Variants in DPP10 observed in about 807,000 individuals in gnomAD.
DPP10 encodes dipeptidyl peptidase like 10.
DPP10 carries 33 observed loss-of-function variants against 120.9 expected under a neutral mutation model. The ratio of observed to expected loss-of-function variants is 0.27; its 90% CI spans 0.21 to 0.37. The LOEUF is 0.37. Ranked by LOEUF, DPP10 falls within the 10% of genes least tolerant of loss-of-function variation. DPP10 has a pLI of 1.00. For synonymous variants in DPP10, 337 were observed against 326.1 expected, an observed-to-expected ratio of 1.03 and a Z score of -0.36; for missense variants, 816 against 942.8, an observed-to-expected ratio of 0.87 and a Z score of 1.76.
At chr2:114,605,728 A>T (rs1422856096) in intron 1 of DPP10, among the ~76,000 whole-genome samples, 5 of 152,078 alleles carry the variant, frequency 3.3e-5, no homozygotes, top group Non-Finnish European at 7.4e-5. Flanking sequence ...ATCAAATCAA[A>T]AGTTCATGAG....
At chr2:115,553,747 T>C (rs927171531) in intron 5 of DPP10, among the ~76,000 whole-genome samples, 1 of 151,886 alleles carries the variant, frequency 6.6e-6, no homozygotes, top group African/African-American at 2.4e-5. Flanking sequence ...ACCACAACCA[T>C]GATTTGGATT....
chr2:114,609,687 A>G (rs1427166080), intron 1 of DPP10, among the ~76,000 whole-genome samples: 1 of 152,192 alleles, frequency 6.6e-6, no homozygotes, highest in Non-Finnish European at 1.5e-5. Context: ...GAGATTCCAA[A>G]CTATCGCATC....
intron 1 of DPP10, among the ~76,000 whole-genome samples, chr2:115,124,507 A>T (rs903517181): frequency 5.3e-5 from 8 of 152,130 alleles, no homozygotes; most frequent in Admixed American, 5.2e-4. Context: ...TTGGACTAGA[A>T]TCCCAGTTAT....
chr2:114,574,516 G>C (rs564003272), intron 1 of DPP10, among the ~76,000 whole-genome samples: 5 of 152,174 alleles, frequency 3.3e-5, no homozygotes, highest in African/African-American at 9.7e-5. Flanking sequence ...GAAGAGGAAA[G>C]GTAGCTGGTT....
chr2:114,548,799 A>G (rs1218567591), intron 1 of DPP10, among the ~76,000 whole-genome samples: 1 of 152,196 alleles, frequency 6.6e-6, no homozygotes, highest in Non-Finnish European at 1.5e-5. Context: ...CTATGGCACC[A>G]GTTGCTTGTA....
intron 11 of DPP10, among the ~76,000 whole-genome samples, chr2:115,755,724 G>A (rs1027717669): frequency 2.0e-5 from 3 of 151,924 alleles, no homozygotes; most frequent in African/African-American, 4.8e-5. Flanking sequence ...ATTAACATAT[G>A]TTACTAGCAA....
At chr2:114,641,628 G>T (rs1221442190) in intron 1 of DPP10, among the ~76,000 whole-genome samples, 1 of 151,868 alleles carries the variant, frequency 6.6e-6, no homozygotes, top group Non-Finnish European at 1.5e-5. Flanking sequence ...CACAACTAAA[G>T]TATATTTTAA....
At chr2:115,676,698 G>A (rs907780102) in intron 5 of DPP10, among the ~76,000 whole-genome samples, 2 of 152,000 alleles carry the variant, frequency 1.3e-5, no homozygotes, top group African/African-American at 2.4e-5. Context: ...ACGTATAAGA[G>A]GACATTAAGA....
At chr2:114,633,049 A>T (rs1006834241) in intron 1 of DPP10, among the ~76,000 whole-genome samples, 2 of 151,738 alleles carry the variant, frequency 1.3e-5, no homozygotes, top group African/African-American at 4.9e-5. Flanking sequence ...ATGGGCAATC[A>T]TATTTAGAAA....
intron 21 of DPP10, 111 bp from the exon 22 acceptor site, chr2:115,836,046 A>G (rs1689454871): frequency 1.8e-6 from 1 of 571,374 alleles, no homozygotes. Flanking sequence ...ACATTGATCA[A>G]AAGCTAAAAA....
intron 1 of DPP10, among the ~76,000 whole-genome samples, chr2:114,564,326 A>G (rs1689028409): frequency 1.3e-5 from 2 of 152,024 alleles, no homozygotes; most frequent in South Asian, 4.1e-4. Flanking sequence ...TAATTATCTA[A>G]CCAAGCAGAA....
chr2:115,385,111 G>T (rs764585368), intron 3 of DPP10, among the ~76,000 whole-genome samples: 1 of 152,070 alleles, frequency 6.6e-6, no homozygotes, highest in African/African-American at 2.4e-5. Flanking sequence ...TAAACCTCTT[G>T]TTCTCCCCAT....
chr2:114,597,182 A>C lies in DPP10; in HGVS notation c.60+154344A>C, dbSNP rs550840063. Among the ~76,000 whole-genome samples the C allele has an allele frequency of 1.6e-4, 25 of 152,190 alleles. 1 individual carries two copies. The highest frequency in any genetic ancestry group is 4.8e-4 in the African/African-American group (20 of 41,546). On this transcript the variant is annotated intron_variant, in intron 1 of 25. Coordinates refer to ENST00000410059, the MANE Select transcript of DPP10 (RefSeq NM_020868.6). ...TGGCATTCCAGCAAAAGAGAGAGGC[A>C]TGGGCAGTGTCACCTACTGGTGAAA...
At chr2:115,566,020 C>T (rs2080989357) in intron 5 of DPP10, among the ~76,000 whole-genome samples, 1 of 151,996 alleles carries the variant, frequency 6.6e-6, no homozygotes, top group South Asian at 2.1e-4. Context: ...TTCCTGACCT[C>T]AGGCGATCAG....
intron 1 of DPP10, among the ~76,000 whole-genome samples, chr2:114,484,712 A>G (rs975627196): frequency 2.6e-5 from 4 of 152,148 alleles, no homozygotes; most frequent in South Asian, 2.1e-4. Context: ...ATCTCGAACA[A>G]TATCCCTGGG....
chr2:115,324,719 CT>C (rs2062253874), intron 2 of DPP10, among the ~76,000 whole-genome samples: 1 of 152,102 alleles, frequency 6.6e-6, no homozygotes, highest in Admixed American at 6.6e-5. Flanking sequence ...CCCATAAGAA[CT>C]TTTTGTGGCT....
intron 1 of DPP10, chr2:114,833,431 C>T (rs1041577008): frequency 1.1e-4 from 16 of 151,938 alleles, no homozygotes; most frequent in Non-Finnish European, 1.0e-4. Context: ...TAAATTATTT[C>T]TCTTGAATAC....
chr2:115,195,760 G>C (rs148127452), intron 1 of DPP10, among the ~76,000 whole-genome samples: 1 of 152,102 alleles, frequency 6.6e-6, no homozygotes, highest in African/African-American at 2.4e-5. Flanking sequence ...TGCTTTATGC[G>C]CTTCCTTCCC....
At chr2:114,534,043 T>A (rs1216207068) in intron 1 of DPP10, among the ~76,000 whole-genome samples, 1 of 152,268 alleles carries the variant, frequency 6.6e-6, no homozygotes, top group Admixed American at 6.5e-5. Flanking sequence ...CATACTTTGT[T>A]CTACTTTACA....
Sources: gnomAD v4.1 joint callset for allele counts (sites outside exome capture counted in the v4.1 genomes callset) on GRCh38, gnomAD v4.1.1 for gene constraint, MANE v1.5 for transcripts, NCBI Gene and HGNC (gene_info 2026-07-23, HGNC 2026-07-21) for gene names.